The following NKAIN2 variants were observed in gnomAD, a reference collection of about 807,000 sequenced individuals.
The protein encoded by NKAIN2 is sodium/potassium-transporting ATPase subunit beta-1-interacting protein 2.
NKAIN2 carries 14 observed loss-of-function variants against 32.6 expected under a neutral mutation model. The ratio of observed to expected loss-of-function variants is 0.43; its 90% CI spans 0.28 to 0.67. NKAIN2 has a LOEUF of 0.67. NKAIN2 is among the 30% of genes least tolerant of loss of function. NKAIN2 has a pLI of 0.17. For missense variants in NKAIN2, 198 were observed against 258.3 expected (o/e 0.77, Z 1.60); for synonymous variants, 80 against 87.2 (o/e 0.92, Z 0.46).
chr6:124,482,769 G>A (rs552513279), intron 3 of NKAIN2, among the ~76,000 whole-genome samples: 1 of 152,286 alleles, frequency 6.6e-6, no homozygotes, highest in South Asian at 2.1e-4. Flanking sequence ...AGTTTAATAT[G>A]GTAGCAATTT....
chr6:124,661,243 G>A lies in NKAIN2; in HGVS notation c.474+2857G>A, dbSNP rs563262834. 1.6e-4 allele frequency among the ~76,000 whole-genome samples: 25 copies of A among 152,322 alleles called. 1 individual carries two copies. The South Asian group carries it at 5.2e-3, about 32-fold the overall frequency. ...AATCTTGGCTTCTTAGCTCCATGCA[G>A]TTTTGTAAAGTCAGCTGAACTCTCA... On this transcript the variant is annotated intron_variant, in intron 4 of 6. Transcript: ENST00000368417.
chr6:124,789,264 A>T (rs915137692), intron 4 of NKAIN2, among the ~76,000 whole-genome samples: 6 of 152,130 alleles, frequency 3.9e-5, no homozygotes, highest in African/African-American at 1.2e-4. Context: ...TGAATTGATG[A>T]GTAAGAATTT....
At chr6:124,357,322 G>C (rs1214233901) in intron 3 of NKAIN2, among the ~76,000 whole-genome samples, 3 of 151,974 alleles carry the variant, frequency 2.0e-5, no homozygotes, top group Non-Finnish European at 4.4e-5. Flanking sequence ...CGTGTTCAAA[G>C]CATTTGAAAA....
At chr6:124,608,306 C>T (rs533589717) in intron 3 of NKAIN2, among the ~76,000 whole-genome samples, 5 of 152,252 alleles carry the variant, frequency 3.3e-5, no homozygotes, top group African/African-American at 1.2e-4. Context: ...CCAGCACTTT[C>T]CATGTTATCA....
chr6:124,404,740 A>G (rs1773773201), intron 3 of NKAIN2, among the ~76,000 whole-genome samples: 1 of 152,044 alleles, frequency 6.6e-6, no homozygotes, highest in Non-Finnish European at 1.5e-5. Context: ...CATATTTTTG[A>G]CCCTATTACA....
At chr6:124,299,929 A>G (rs1393897201) in intron 2 of NKAIN2, among the ~76,000 whole-genome samples, 5 of 152,206 alleles carry the variant, frequency 3.3e-5, no homozygotes, top group Non-Finnish European at 5.9e-5. Context: ...ATTATTTCAC[A>G]TGGTAGAGAG....
chr6:124,299,648 G>A (rs1249405495), intron 2 of NKAIN2, among the ~76,000 whole-genome samples: 1 of 152,044 alleles, frequency 6.6e-6, no homozygotes, highest in Non-Finnish European at 1.5e-5. Context: ...AAAATTCCAT[G>A]ATTTTTCTTC....
At chr6:124,704,792 G>A (rs1362608243) in intron 4 of NKAIN2, among the ~76,000 whole-genome samples, 1 of 151,846 alleles carries the variant, frequency 6.6e-6, no homozygotes, top group Non-Finnish European at 1.5e-5. Flanking sequence ...GATAGAACCA[G>A]AGCGTCTAAT....
intron 1 of NKAIN2, among the ~76,000 whole-genome samples, chr6:124,277,879 T>TA (rs376225223): frequency 0.056 from 8,279 of 148,326 alleles, 280 homozygotes; most frequent in Admixed American, 0.085. Flanking sequence ...TAACACACCT[T>TA]AAAAAAAAAA....
chr6:124,649,716 C>A (rs1273369793), intron 3 of NKAIN2, among the ~76,000 whole-genome samples: 1 of 152,098 alleles, frequency 6.6e-6, no homozygotes, highest in African/African-American at 2.4e-5. Context: ...AGACTTTCAA[C>A]ATATAACAGT....
intron 3 of NKAIN2, among the ~76,000 whole-genome samples, chr6:124,432,565 G>A (rs1775263652): frequency 6.6e-6 from 1 of 152,018 alleles, no homozygotes; most frequent in African/African-American, 2.4e-5. Context: ...CCGTGATTGT[G>A]TCACTGCACT....
intron 2 of NKAIN2, among the ~76,000 whole-genome samples, chr6:124,341,500 T>C (rs1322176734): frequency 6.6e-6 from 1 of 152,190 alleles, no homozygotes; most frequent in African/African-American, 2.4e-5. Flanking sequence ...TTTTAAATAT[T>C]TTCTAGAATA....
chr6:124,581,423 G>C (rs1271366755), intron 3 of NKAIN2, among the ~76,000 whole-genome samples: 3 of 141,732 alleles, frequency 2.1e-5, no homozygotes. Context: ...TCCGGCCTGG[G>C]CAACAGAGCG....
intron 3 of NKAIN2, among the ~76,000 whole-genome samples, chr6:124,553,020 A>C (rs1780347206): frequency 6.6e-6 from 1 of 152,248 alleles, no homozygotes; most frequent in African/African-American, 2.4e-5. Context: ...AGGGAAAAAC[A>C]AAACTTTCCT....
chr6:123,934,781 A>G (rs888849633), intron 1 of NKAIN2, among the ~76,000 whole-genome samples: 8 of 152,086 alleles, frequency 5.3e-5, no homozygotes, highest in Non-Finnish European at 1.2e-4. Flanking sequence ...TGCTTTTAAA[A>G]TTATTTAATT....
intron 4 of NKAIN2, among the ~76,000 whole-genome samples, chr6:124,762,445 T>C (rs1351399162): frequency 6.6e-6 from 1 of 152,166 alleles, no homozygotes; most frequent in Non-Finnish European, 1.5e-5. Context: ...CATTTGAATT[T>C]AAAAGTTGGG....
intron 1 of NKAIN2, among the ~76,000 whole-genome samples, chr6:124,115,546 G>A (rs201981240): frequency 6.6e-6 from 1 of 152,028 alleles, no homozygotes; most frequent in African/African-American, 2.4e-5. Flanking sequence ...ATTCCTCCTT[G>A]AGCAGTAGTG....
At chr6:124,526,106 C>G (rs1426707360) in intron 3 of NKAIN2, among the ~76,000 whole-genome samples, 2 of 151,922 alleles carry the variant, frequency 1.3e-5, no homozygotes, top group Non-Finnish European at 2.9e-5. Context: ...TGGGAATCTT[C>G]TAGATAGAAG....
chr6:124,355,428 T>C, intron 3 of NKAIN2, 81 bp downstream of exon 3: 1 of 756,774 alleles, frequency 1.3e-6, no homozygotes, highest in South Asian at 1.6e-5. Context: ...CTCATCCTGT[T>C]CTGCTTGCTT....
Sources: allele counts gnomAD v4.1 joint callset (sites outside exome capture counted in the v4.1 genomes callset), GRCh38; gene constraint gnomAD v4.1.1; transcripts MANE v1.5; gene names NCBI Gene and HGNC (gene_info 2026-07-23, HGNC 2026-07-21).